CNTNAP2: variants seen among roughly 807,000 people sequenced by gnomAD.
CNTNAP2 encodes contactin associated protein 2.
A neutral mutation model predicts 155.2 loss-of-function variants in CNTNAP2; 98 were observed. The ratio of observed to expected loss-of-function variants is 0.63; its 90% confidence interval spans 0.54 to 0.75. CNTNAP2 has a LOEUF of 0.75. CNTNAP2 is among the 30% of genes least tolerant of loss of function. CNTNAP2 has a pLI of 0.00. For synonymous variants in CNTNAP2, 651 were observed against 631.2 expected (o/e 1.03, Z -0.47); for missense variants, 1,727 against 1,688.1 (o/e 1.02, Z -0.40).
At chr7:147,998,129 T>TG in intron 15 of CNTNAP2, among the ~76,000 whole-genome samples, 1 of 92,426 alleles carries the variant, frequency 1.1e-5, no homozygotes, top group East Asian at 3.5e-4. Flanking sequence ...TTTTTTTTTT[T>TG]GAGACGGAGT....
At chr7:146,193,064 C>A (rs756026975) in intron 1 of CNTNAP2, among the ~76,000 whole-genome samples, 9 of 152,244 alleles carry the variant, frequency 5.9e-5, no homozygotes, top group Non-Finnish European at 1.3e-4. Context: ...CCAGGACATG[C>A]TGATGCAAGA....
chr7:146,723,609 T>C (rs1279387976), intron 1 of CNTNAP2, among the ~76,000 whole-genome samples: 1 of 152,208 alleles, frequency 6.6e-6, no homozygotes, highest in Non-Finnish European at 1.5e-5. Flanking sequence ...ATGACTCACC[T>C]GGGAAGAACT....
chr7:148,288,384 C>T (rs1327582509), intron 21 of CNTNAP2, among the ~76,000 whole-genome samples: 1 of 152,154 alleles, frequency 6.6e-6, no homozygotes, highest in Non-Finnish European at 1.5e-5. Context: ...AAGGCATGAG[C>T]CACCGCGCCC....
chr7:148,062,247 C>G (rs1424802197), intron 15 of CNTNAP2, among the ~76,000 whole-genome samples: 2 of 151,600 alleles, frequency 1.3e-5, no homozygotes, highest in South Asian at 4.2e-4. Flanking sequence ...AAGGAAAAAC[C>G]GGGTAACTAT....
At chr7:147,188,829 A>G (rs1388011595) in intron 8 of CNTNAP2, among the ~76,000 whole-genome samples, 1 of 152,226 alleles carries the variant, frequency 6.6e-6, no homozygotes. Flanking sequence ...TAATTTAAAA[A>G]TTGAAAAAAA....
chr7:148,024,374 C>T (rs554425058), intron 15 of CNTNAP2, among the ~76,000 whole-genome samples: 126 of 152,176 alleles, frequency 8.3e-4, no homozygotes, highest in African/African-American at 2.7e-3. Context: ...TGAAAGAAAA[C>T]GAAGTGTGGT....
chr7:148,278,386 G>A (rs1305879919), intron 21 of CNTNAP2, among the ~76,000 whole-genome samples: 12 of 151,968 alleles, frequency 7.9e-5, no homozygotes, highest in East Asian at 1.9e-4. Context: ...CTAACATGGC[G>A]AAACCCTGTC....
At position 147,044,480 on chromosome 7, in the gene CNTNAP2, G is replaced by C. The variant is rs117585891; in HGVS notation, c.550+426G>C. Reference sequence around the variant, plus strand: ...GAAGAACTTCCTTCGGGTTCACTAAGTATCTCTCTTCAGTTATGCCTATTC... The same window carrying C: ...GAAGAACTTCCTTCGGGTTCACTAACTATCTCTCTTCAGTTATGCCTATTC... On this transcript the variant is annotated intron_variant, in intron 4 of 23. Coordinates refer to ENST00000361727, the MANE Select transcript of CNTNAP2 (RefSeq NM_014141.6). Among the ~76,000 whole-genome samples, 212 of 152,238 alleles carry C rather than the reference G, an allele frequency of 1.4e-3. 2 individuals are homozygous for C. In the East Asian group the frequency reaches 0.035, roughly 25 times the overall value.
intron 10 of CNTNAP2, among the ~76,000 whole-genome samples, chr7:147,412,406 C>T (rs1305898363): frequency 2.0e-5 from 3 of 152,120 alleles, no homozygotes; most frequent in East Asian, 1.9e-4. Flanking sequence ...CTTCATATCT[C>T]AATTCATAGA....
intron 2 of CNTNAP2, among the ~76,000 whole-genome samples, chr7:146,819,900 T>C (rs529867717): frequency 6.6e-6 from 1 of 152,238 alleles, no homozygotes; most frequent in East Asian, 1.9e-4. Flanking sequence ...CTCTCATATA[T>C]CCACTTCTTG....
At chr7:147,723,169 GA>G (rs140730780) in intron 13 of CNTNAP2, among the ~76,000 whole-genome samples, 31 of 149,370 alleles carry the variant, frequency 2.1e-4, no homozygotes, top group East Asian at 2.0e-4. Context: ...TCTACTCCAT[GA>G]AAAAAAAAAT....
intron 1 of CNTNAP2, among the ~76,000 whole-genome samples, chr7:146,537,032 C>T (rs1797879871): frequency 6.6e-6 from 1 of 152,020 alleles, no homozygotes; most frequent in African/African-American, 2.4e-5. Context: ...AAAATTATTA[C>T]CACAAGTCCC....
chr7:146,726,924 A>T (rs764469705), intron 1 of CNTNAP2, among the ~76,000 whole-genome samples: 3 of 152,170 alleles, frequency 2.0e-5, no homozygotes, highest in Non-Finnish European at 4.4e-5. Flanking sequence ...TAAACCACAC[A>T]GTCATGCCCA....
intron 2 of CNTNAP2, among the ~76,000 whole-genome samples, chr7:146,780,168 C>A (rs560452646): frequency 1.3e-5 from 2 of 150,662 alleles, no homozygotes; most frequent in Admixed American, 1.3e-4. Context: ...TCCACATCCT[C>A]GCCAGCATCT....
chr7:146,451,881 A>ATACGTGTATATATATATACGTATATATT, intron 1 of CNTNAP2, among the ~76,000 whole-genome samples: 1 of 59,324 alleles, frequency 1.7e-5, no homozygotes, highest in African/African-American at 1.8e-4. Context: ...GTATATATAC[A>ATACGTGTATATATATATACGTATATATT]CATATACATA....
intron 13 of CNTNAP2, among the ~76,000 whole-genome samples, chr7:147,858,122 C>G (rs1286796123): frequency 1.3e-5 from 2 of 152,210 alleles, no homozygotes; most frequent in African/African-American, 4.8e-5. Context: ...GAGTCTCACT[C>G]TGTTGCCCAG....
intron 12 of CNTNAP2, among the ~76,000 whole-genome samples, chr7:147,586,307 G>C (rs915528604): frequency 1.3e-5 from 2 of 150,984 alleles, no homozygotes; most frequent in African/African-American, 4.9e-5. Flanking sequence ...TAAGGTCTGT[G>C]TTGATGTTAA....
At chr7:147,406,331 T>C (rs1797004992) in intron 10 of CNTNAP2, among the ~76,000 whole-genome samples, 1 of 152,202 alleles carries the variant, frequency 6.6e-6, no homozygotes, top group Admixed American at 6.5e-5. Context: ...TTATAGCATT[T>C]GAAAATAACA....
At chr7:147,776,783 G>T (rs1437350807) in intron 13 of CNTNAP2, among the ~76,000 whole-genome samples, 2 of 151,500 alleles carry the variant, frequency 1.3e-5, no homozygotes, top group Admixed American at 6.6e-5. Flanking sequence ...TAAGCAATGA[G>T]ATTTTTACCT....
Sources: gnomAD v4.1 joint callset for allele counts (sites outside exome capture counted in the v4.1 genomes callset) on GRCh38, gnomAD v4.1.1 for gene constraint, MANE v1.5 for transcripts, NCBI Gene and HGNC (gene_info 2026-07-23, HGNC 2026-07-21) for gene names.